KCNJ1: variants seen among roughly 807,000 people sequenced by gnomAD.
KCNJ1 encodes ATP-sensitive inward rectifier potassium channel 1.
A neutral mutation model predicts 21.9 loss-of-function variants in KCNJ1; 24 were observed. The observed-to-expected ratio is 1.10, with a 90% confidence interval of 0.79 to 1.54. The LOEUF (loss-of-function observed/expected upper bound fraction) is 1.54, where lower values mean the gene tolerates loss of function less well. KCNJ1 is among the 40% of genes most tolerant of loss of function. The pLI is 0.00. For missense variants in KCNJ1, 457 were observed against 455.4 expected (o/e 1.00, Z -0.03); for synonymous variants, 152 against 160.9 (o/e 0.94, Z 0.42).
In KCNJ1 at chr11:128,839,474, C is replaced by T; in HGVS notation, c.770G>A (p.Ser257Asn). The T allele has an allele frequency of 1.9e-6, 3 of 1,614,154 alleles. No homozygotes were observed. The highest frequency in any genetic ancestry group is 2.2e-5 in the East Asian group (1 of 44,886). Residue 257 changes from serine (S) to asparagine (N), a missense_variant, in exon 3 of 3, where the codon AGC (serine) becomes AAC (asparagine). Transcript: ENST00000392666. ...LTIYHVIDHN[S>N]PFFHMAAETL... ...CTCCGCTGCCATGTGGAAGAAAGGG[C>T]TGTTGTGATCAATGACATGGTAAAT...
At chr11:128,862,840 C>A (rs1943743360) in intron 1 of KCNJ1, among the ~76,000 whole-genome samples, 1 of 152,234 alleles carries the variant, frequency 6.6e-6, no homozygotes, top group African/African-American at 2.4e-5. Flanking sequence ...ATACCCTGAT[C>A]CCCAAAATGG....
intron 1 of KCNJ1, among the ~76,000 whole-genome samples, chr11:128,852,230 G>T (rs1276320115): frequency 1.3e-5 from 2 of 152,194 alleles, no homozygotes; most frequent in Non-Finnish European, 2.9e-5. Context: ...TGCAACTCCA[G>T]TTTCTCCTTC....
intron 2 of KCNJ1, among the ~76,000 whole-genome samples, chr11:128,848,144 C>T (rs1053526372): frequency 2.5e-4 from 38 of 150,814 alleles, no homozygotes; most frequent in African/African-American, 7.5e-4. Context: ...AAAAATTAGC[C>T]GGGCGTGGTG....
Position 128,839,346 on chromosome 11 carries a change from C to A in KCNJ1, c.898G>T (p.Val300Leu), listed in dbSNP as rs139706906. The stretch of plus-strand genomic sequence containing the variant: ...GGAGCAAAACGGTAGCCCCAAAGCA[C>A]CTCCTCTGGGACATAGGATGTCCGG... The part of the protein sequence containing the change: ...QVRTSYVPEE[V>L]LWGYRFAPIV... The change falls in exon 3 of 3, where the codon GTG (valine) becomes TTG (leucine). Residue 300 changes from valine (V) to leucine (L), a missense_variant. Coordinates refer to ENST00000392666, the MANE Select transcript of KCNJ1 (RefSeq NM_153766.3). 20 of 1,614,194 alleles carry A rather than the reference C, an allele frequency of 1.2e-5. No individual in the cohort carries two copies. Among genetic ancestry groups the A allele is most frequent in the African/African-American group, 2.7e-5 (2 of 75,048 alleles).
At chr11:128,847,815 G>A (rs932277473) in intron 2 of KCNJ1, among the ~76,000 whole-genome samples, 1 of 152,210 alleles carries the variant, frequency 6.6e-6, no homozygotes, top group Non-Finnish European at 1.5e-5. Flanking sequence ...GCTTTGGAAG[G>A]TGAATGCTTA....
chr11:128,852,244 C>T (rs1220699322), intron 1 of KCNJ1, among the ~76,000 whole-genome samples: 1 of 152,222 alleles, frequency 6.6e-6, no homozygotes, highest in Non-Finnish European at 1.5e-5. Context: ...CTCCTTCAAG[C>T]TCCTGCCATG....
intron 1 of KCNJ1, among the ~76,000 whole-genome samples, chr11:128,851,891 AGAC>A (rs1943483553): frequency 6.6e-6 from 1 of 152,222 alleles, no homozygotes; most frequent in South Asian, 2.1e-4. Flanking sequence ...CAGCTTCCAC[AGAC>A]ACACAAGATC....
At chr11:128,842,650 G>T in intron 2 of KCNJ1, 1 of 760,438 alleles carries the variant, frequency 1.3e-6, no homozygotes. Context: ...ACATCACATG[G>T]CTTGAATACC....
chr11:128,851,031 C>T, intron 1 of KCNJ1, 141 bp from the exon 2 acceptor site: 1 of 223,416 alleles, frequency 4.5e-6, no homozygotes, highest in Non-Finnish European at 7.5e-6. Context: ...TCAGCTTGGG[C>T]TCCAGTGGAC....
intron 1 of KCNJ1, among the ~76,000 whole-genome samples, chr11:128,858,193 G>A (rs1280019794): frequency 2.6e-5 from 4 of 151,656 alleles, no homozygotes; most frequent in African/African-American, 9.7e-5. Context: ...GGGGAGGGAT[G>A]AGAAGGGATG....
At chr11:128,843,728 C>T (rs1440454548) in intron 2 of KCNJ1, among the ~76,000 whole-genome samples, 1 of 152,180 alleles carries the variant, frequency 6.6e-6, no homozygotes, top group East Asian at 1.9e-4. Flanking sequence ...AAACATACTT[C>T]AACTGGCAGA....
At chr11:128,866,844 C>T (rs1476908514) in intron 1 of KCNJ1, among the ~76,000 whole-genome samples, 2 of 152,088 alleles carry the variant, frequency 1.3e-5, no homozygotes, top group Non-Finnish European at 2.9e-5. Context: ...TGAAAGGATG[C>T]CACCAGAGAT....
intron 1 of KCNJ1, among the ~76,000 whole-genome samples, chr11:128,866,889 G>A (rs1591426829): frequency 6.6e-6 from 1 of 152,022 alleles, no homozygotes; most frequent in African/African-American, 2.4e-5. Context: ...ACCAAAAGAA[G>A]ACTTTGGAAT....
chr11:128,864,074 C>CTTTTTTTTTTTTTTTT (rs71472076), intron 1 of KCNJ1, among the ~76,000 whole-genome samples: 1 of 86,682 alleles, frequency 1.2e-5, no homozygotes, highest in African/African-American at 4.8e-5. Context: ...CTTTTTCTCT[C>CTTTTTTTTTTTTTTTT]TTTTTTTTTT....
chr11:128,845,996 C>G (rs983264745), intron 2 of KCNJ1, among the ~76,000 whole-genome samples: 2 of 152,296 alleles, frequency 1.3e-5, no homozygotes, highest in African/African-American at 4.8e-5. Context: ...ACACTGTGTT[C>G]TGTAGGCGTC....
intron 2 of KCNJ1, among the ~76,000 whole-genome samples, chr11:128,847,326 G>A (rs187503025): frequency 1.3e-5 from 2 of 152,242 alleles, no homozygotes; most frequent in East Asian, 3.9e-4. Context: ...TTTCTGACTG[G>A]AGGGCACTGA....
In KCNJ1 at chr11:128,839,481, G is replaced by A; in HGVS notation, c.763C>T (p.His255Tyr). The change falls in exon 3 of 3, where the codon CAC (histidine) becomes TAC (tyrosine). Residue 255 changes from histidine to tyrosine, a missense_variant. Physicochemically the swap from His to Tyr is moderately conservative, Grantham distance 83. Transcript: ENST00000392666. ...GCCATGTGGAAGAAAGGGCTGTTGTGATCAATGACATGGTAAATTGTCAAT... is the reference window on the plus strand; with the variant it reads ...GCCATGTGGAAGAAAGGGCTGTTGTAATCAATGACATGGTAAATTGTCAAT... ...SPLTIYHVID[H>Y]NSPFFHMAAE... The A allele has an allele frequency of 6.2e-7, 1 of 1,614,184 alleles. No individual in the cohort carries two copies. The highest frequency in any genetic ancestry group is 8.5e-7 in the Non-Finnish European group (1 of 1,180,022).
intron 2 of KCNJ1, among the ~76,000 whole-genome samples, chr11:128,849,089 A>G (rs1943437801): frequency 6.6e-6 from 1 of 152,190 alleles, no homozygotes; most frequent in Non-Finnish European, 1.5e-5. Context: ...GTGTCATCCG[A>G]GGCACGGATA....
intron 1 of KCNJ1, among the ~76,000 whole-genome samples, chr11:128,856,005 G>A (rs1037515563): frequency 6.6e-6 from 1 of 152,186 alleles, no homozygotes; most frequent in Non-Finnish European, 1.5e-5. Flanking sequence ...GCCAGGTCTT[G>A]GGAAGTCTTC....
Sources: gnomAD v4.1 joint callset for allele counts (sites outside exome capture counted in the v4.1 genomes callset) on GRCh38, gnomAD v4.1.1 for gene constraint, MANE v1.5 for transcripts, NCBI Gene and HGNC (gene_info 2026-07-23, HGNC 2026-07-21) for gene names.